Variants in FNDC3A observed in about 807,000 individuals in gnomAD.
FNDC3A encodes fibronectin type III domain containing 3A.
In FNDC3A, 32 loss-of-function variants were observed where a neutral mutation model predicts 148.9. The ratio of observed to expected loss-of-function variants is 0.21; its 90% CI spans 0.16 to 0.29. The LOEUF is 0.29. Among genes scored for constraint, FNDC3A ranks in the 10% least tolerant of loss-of-function variants. The pLI, the probability that FNDC3A is intolerant of heterozygous loss-of-function variation, is 1.00. For synonymous variants in FNDC3A, 472 were observed against 473.6 expected (o/e 1.00, Z 0.04); for missense variants, 1,191 against 1,452.8 (o/e 0.82, Z 2.93).
chr13:48,978,357 G>A (rs1371853312), intron 1 of FNDC3A, among the ~76,000 whole-genome samples: 3 of 152,060 alleles, frequency 2.0e-5, no homozygotes, highest in African/African-American at 4.8e-5. Flanking sequence ...GTAGTTTTAG[G>A]CAAAGAGCAT....
At chr13:49,012,011 A>G (rs777324087) in intron 2 of FNDC3A, among the ~76,000 whole-genome samples, 4 of 152,176 alleles carry the variant, frequency 2.6e-5, no homozygotes, top group Non-Finnish European at 5.9e-5. Flanking sequence ...TGTTTATTGA[A>G]AAAACTGTTG....
intron 3 of FNDC3A, among the ~76,000 whole-genome samples, chr13:49,082,581 A>G (rs1878549726): frequency 6.6e-6 from 1 of 151,980 alleles, no homozygotes. Flanking sequence ...TTTCCTTCCT[A>G]ATAGCTCAGT....
At chr13:49,095,860 A>G (rs1879493625) in intron 3 of FNDC3A, among the ~76,000 whole-genome samples, 1 of 152,066 alleles carries the variant, frequency 6.6e-6, no homozygotes, top group Non-Finnish European at 1.5e-5. Context: ...ACTACCGTGC[A>G]TTTATCTACT....
intron 2 of FNDC3A, among the ~76,000 whole-genome samples, chr13:49,020,976 G>C (rs1170741882): frequency 6.6e-6 from 1 of 152,166 alleles, no homozygotes; most frequent in African/African-American, 2.4e-5. Flanking sequence ...ATTCGAACCA[G>C]AGATGTAGAA....
chr13:49,199,838 T>C (rs1217210572), intron 23 of FNDC3A, among the ~76,000 whole-genome samples: 1 of 152,210 alleles, frequency 6.6e-6, no homozygotes, highest in Non-Finnish European at 1.5e-5. Flanking sequence ...TTGCTAATCT[T>C]TGAATTAGAA....
rs114700777 is a variant in FNDC3A at position 48,976,209 on chromosome 13, C to T, written c.-40+32C>T. The T allele has an allele frequency of 4.2e-3, 634 of 152,448 alleles. 5 individuals are homozygous for T. Among genetic ancestry groups the T allele is most frequent in the African/African-American group, 0.015 (607 of 41,584 alleles). 9.4% of individuals were successfully genotyped at this position (152,448 alleles called of 1,614,324 possible). ...GCGCGGGCACTCCCTCCGCGAAAGG[C>T]GGGGGACACCGAGCCGTCCCAACCC... On this transcript the variant is annotated intron_variant, in intron 1 of 25. Transcript: ENST00000492622.
At chr13:48,997,590 C>CT (rs1385610039) in intron 1 of FNDC3A, among the ~76,000 whole-genome samples, 2 of 152,114 alleles carry the variant, frequency 1.3e-5, no homozygotes, top group African/African-American at 4.8e-5. Flanking sequence ...GAGACTTGAG[C>CT]TTGCATGCTC....
intron 2 of FNDC3A, chr13:49,045,365 G>A (rs189193691): frequency 6.3e-6 from 1 of 158,626 alleles, no homozygotes; most frequent in Non-Finnish European, 1.4e-5. Context: ...TGTTGCCCAG[G>A]TTGGTCTCAA....
At chr13:49,064,411 C>CCCCCA (rs1555286179) in intron 2 of FNDC3A, among the ~76,000 whole-genome samples, 28 of 90,030 alleles carry the variant, frequency 3.1e-4, no homozygotes, top group Non-Finnish European at 4.3e-4. Flanking sequence ...GCCCCCCCCC[C>CCCCCA]AAAAAAAAAA....
chr13:49,079,405 A>C (rs1259187000), intron 3 of FNDC3A, among the ~76,000 whole-genome samples: 1 of 152,198 alleles, frequency 6.6e-6, no homozygotes, highest in African/African-American at 2.4e-5. Flanking sequence ...GCATAGAAGG[A>C]GGGTTACTAT....
chr13:49,203,537 C>A (rs1008817869), intron 25 of FNDC3A, among the ~76,000 whole-genome samples: 2 of 152,160 alleles, frequency 1.3e-5, no homozygotes, highest in South Asian at 2.1e-4. Flanking sequence ...AACAAAAAGT[C>A]CCTTGCCTCC....
At chr13:49,124,981 G>A (rs949808398) in intron 4 of FNDC3A, among the ~76,000 whole-genome samples, 1 of 152,138 alleles carries the variant, frequency 6.6e-6, no homozygotes, top group Admixed American at 6.5e-5. Flanking sequence ...TGCCTTTCTG[G>A]TAATGGCTCC....
In FNDC3A at chr13:49,175,374, A is replaced by G. The variant is rs939764671; in HGVS notation, c.1363A>G (p.Ser455Gly). ...AACCATTTGTTTCAACAGTGGTTTT[A>G]GTGAAGAAGTCTTATATTACACCTC... ...ARNDYGTSGF[S>G]EEVLYYTSGC... The change falls in exon 13 of 26, where the codon AGT becomes GGT. Residue 455 changes from serine (S) to glycine (G), a missense_variant. Physicochemically the swap from Ser to Gly is moderately conservative, Grantham distance 56. This residue lies in a region of FNDC3A where 751 missense variants were observed against 944.0 expected (regional missense o/e 0.80). Coordinates refer to ENST00000492622, the MANE Select transcript of FNDC3A (RefSeq NM_001079673.2). 6.4e-7 allele frequency: 1 copy of G among 1,562,000 alleles called. No individual in the cohort carries two copies. Among genetic ancestry groups the G allele is most frequent in the Non-Finnish European group, 8.6e-7 (1 of 1,156,590 alleles).
At chr13:49,090,002 C>T (rs1219068670) in intron 3 of FNDC3A, among the ~76,000 whole-genome samples, 1 of 152,176 alleles carries the variant, frequency 6.6e-6, no homozygotes, top group Non-Finnish European at 1.5e-5. Context: ...CCTTGGCCTG[C>T]CATCCCTAGG....
intron 13 of FNDC3A, among the ~76,000 whole-genome samples, chr13:49,178,108 A>G (rs1484856781): frequency 1.3e-5 from 2 of 152,216 alleles, no homozygotes; most frequent in African/African-American, 4.8e-5. Flanking sequence ...CCCAAACCTA[A>G]GTGACATCCT....
chr13:49,068,929 G>T lies in FNDC3A; in HGVS notation c.100-6360G>T, dbSNP rs905976755. Among the ~76,000 whole-genome samples, 3 of 152,124 alleles carry T rather than the reference G, an allele frequency of 2.0e-5. No individual in the cohort carries two copies. The East Asian group carries it at 5.8e-4, about 29-fold the overall frequency. On this transcript the variant is annotated intron_variant, in intron 2 of 25. Coordinates refer to ENST00000492622, the MANE Select transcript of FNDC3A (RefSeq NM_001079673.2). Reference sequence around the variant, plus strand: ...AGGTGGAGGGTGGGAGGACGAAGAGGAGTAGGAAAAAATAACTATTGGGTA... The same window carrying T: ...AGGTGGAGGGTGGGAGGACGAAGAGTAGTAGGAAAAAATAACTATTGGGTA...
intron 2 of FNDC3A, among the ~76,000 whole-genome samples, chr13:49,052,184 T>C (rs779389444): frequency 2.0e-4 from 31 of 152,214 alleles, no homozygotes; most frequent in Non-Finnish European, 4.1e-4. Flanking sequence ...TTTCTGGCAA[T>C]GCAGAGCTTT....
chr13:49,089,833 T>C (rs1261267733), intron 3 of FNDC3A, among the ~76,000 whole-genome samples: 1 of 152,224 alleles, frequency 6.6e-6, no homozygotes, highest in Non-Finnish European at 1.5e-5. Flanking sequence ...AATGAATGGG[T>C]ACTTTTTAAA....
chr13:49,061,352 CCCTTA>C (rs373778803), intron 2 of FNDC3A, among the ~76,000 whole-genome samples: 3,218 of 6,640 alleles, frequency 0.48, 1,360 homozygotes, highest in South Asian at 0.66. Context: ...CCCTTCCCTT[CCCTTA>C]CCTTCCCTTC....
Sources: gnomAD v4.1 joint callset for allele counts (sites outside exome capture counted in the v4.1 genomes callset) on GRCh38, gnomAD v4.1.1 for gene constraint, gnomAD v4.1.1 regional missense constraint, MANE v1.5 for transcripts, NCBI Gene and HGNC (gene_info 2026-07-23, HGNC 2026-07-21) for gene names.